ASIC2: variants seen among roughly 807,000 people sequenced by gnomAD.
ASIC2 encodes acid-sensing ion channel 2.
Under a neutral mutation model 57.3 loss-of-function variants are expected in ASIC2, and 25 were observed. That is an observed-to-expected ratio of 0.44 (90% CI 0.32 to 0.61). ASIC2 has a LOEUF of 0.61. Among genes scored for constraint, ASIC2 ranks in the 20% least tolerant of loss-of-function variants. The pLI, the probability that ASIC2 is intolerant of heterozygous loss-of-function variation, is 0.06. For synonymous variants in ASIC2, 319 were observed against 307.5 expected (o/e 1.04, Z -0.39); for missense variants, 641 against 738.1 (o/e 0.87, Z 1.52).
chr17:33,144,004 A>G (rs1567761232), intron 1 of ASIC2, among the ~76,000 whole-genome samples: 1 of 152,170 alleles, frequency 6.6e-6, no homozygotes, highest in East Asian at 1.9e-4. Context: ...TTCTCTTTCT[A>G]GGAAAGGCTT....
chr17:33,239,940 TC>T (rs1221869943), intron 1 of ASIC2, among the ~76,000 whole-genome samples: 1 of 151,800 alleles, frequency 6.6e-6, no homozygotes, highest in African/African-American at 2.4e-5. Context: ...TATCCTTACT[TC>T]CCCCCACGCT....
At chr17:33,225,146 G>A (rs1260573415) in intron 1 of ASIC2, among the ~76,000 whole-genome samples, 5 of 152,206 alleles carry the variant, frequency 3.3e-5, no homozygotes, top group African/African-American at 4.8e-5. Context: ...TGATGGCTTT[G>A]ATTCAGCAAT....
chr17:33,248,793 T>C (rs186555117), intron 1 of ASIC2, among the ~76,000 whole-genome samples: 4 of 152,220 alleles, frequency 2.6e-5, no homozygotes, highest in African/African-American at 9.6e-5. Flanking sequence ...GAAACATTCA[T>C]GGTGATATTT....
intron 1 of ASIC2, among the ~76,000 whole-genome samples, chr17:33,787,881 C>T (rs1911654162): frequency 6.6e-6 from 1 of 152,062 alleles, no homozygotes; most frequent in Non-Finnish European, 1.5e-5. Flanking sequence ...AGGACCAAAC[C>T]CTTGATGCTA....
intron 1 of ASIC2, among the ~76,000 whole-genome samples, chr17:34,010,048 GCA>G (rs2088755268): frequency 6.6e-6 from 1 of 152,196 alleles, no homozygotes; most frequent in Non-Finnish European, 1.5e-5. Context: ...GACTTGCAGT[GCA>G]CAGAGGGTTG....
intron 1 of ASIC2, among the ~76,000 whole-genome samples, chr17:33,788,972 G>A (rs999754803): frequency 1.3e-5 from 2 of 152,060 alleles, no homozygotes; most frequent in African/African-American, 2.4e-5. Context: ...CATGACACAC[G>A]TATACCTATG....
intron 1 of ASIC2, among the ~76,000 whole-genome samples, chr17:33,826,733 A>C (rs932609611): frequency 9.9e-5 from 15 of 152,080 alleles, no homozygotes; most frequent in African/African-American, 3.6e-4. Context: ...TTTGATTTTC[A>C]TGTTCTAGGG....
chr17:33,076,664 C>T (rs760813076), intron 3 of ASIC2, among the ~76,000 whole-genome samples: 2 of 152,234 alleles, frequency 1.3e-5, no homozygotes, highest in Admixed American at 6.5e-5. Flanking sequence ...TTAATACAAA[C>T]GGGACCACCT....
At chr17:34,003,359 C>T (rs900367191) in intron 1 of ASIC2, 3 of 152,142 alleles carry the variant, frequency 2.0e-5, no homozygotes, top group African/African-American at 7.2e-5. Flanking sequence ...GCAGGTGAGC[C>T]TTTTGTAGTA....
At chr17:33,547,306 T>A (rs1157949451) in intron 1 of ASIC2, among the ~76,000 whole-genome samples, 1 of 152,140 alleles carries the variant, frequency 6.6e-6, no homozygotes, top group African/African-American at 2.4e-5. Flanking sequence ...TATTAAATGA[T>A]CAAGAAATAA....
chr17:34,069,069 CCT>C (rs1909282482), intron 1 of ASIC2, among the ~76,000 whole-genome samples: 1 of 152,182 alleles, frequency 6.6e-6, no homozygotes, highest in Admixed American at 6.5e-5. Flanking sequence ...TACTCCTACC[CCT>C]CTGAACTCCA....
At chr17:33,646,492 G>A (rs560175574) in intron 1 of ASIC2, among the ~76,000 whole-genome samples, 32 of 152,308 alleles carry the variant, frequency 2.1e-4, no homozygotes, top group African/African-American at 7.2e-4. Context: ...GGAATTAGGG[G>A]AAGACGAGTG....
At position 33,464,908 on chromosome 17, in the gene ASIC2, C is replaced by A. The variant is rs533449910; in HGVS notation, c.556-352841G>T. Among the ~76,000 whole-genome samples, 3 of 152,138 alleles carry A rather than the reference C, an allele frequency of 2.0e-5. No homozygotes were observed. The South Asian group carries it at 6.2e-4, about 32-fold the overall frequency. On this transcript the variant is annotated intron_variant, in intron 1 of 9. Coordinates refer to the ASIC2 transcript ENST00000359872. ...ACTTTTCACAGTTTACAAGTACCAA[C>A]AAGGCACTTTTTTTTCTGCTTAGGA...
intron 1 of ASIC2, among the ~76,000 whole-genome samples, chr17:33,768,610 C>CTAGAGAAAT (rs1567710729): frequency 3.9e-5 from 6 of 152,134 alleles, no homozygotes. Context: ...GGGGCAGGTC[C>CTAGAGAAAT]CCAGTGAAAC....
chr17:34,085,418 T>C (rs948259778), intron 1 of ASIC2, among the ~76,000 whole-genome samples: 12 of 152,366 alleles, frequency 7.9e-5, no homozygotes, highest in African/African-American at 2.6e-4. Flanking sequence ...AGCTTTCTGA[T>C]GTGCTGCTGG....
At chr17:33,205,097 T>C (rs759412866) in intron 1 of ASIC2, among the ~76,000 whole-genome samples, 2 of 152,252 alleles carry the variant, frequency 1.3e-5, no homozygotes, top group African/African-American at 2.4e-5. Flanking sequence ...CTGATCACCA[T>C]GCAGTAGCCT....
At chr17:33,465,969 G>A (rs1912851620) in intron 1 of ASIC2, among the ~76,000 whole-genome samples, 2 of 152,200 alleles carry the variant, frequency 1.3e-5, no homozygotes, top group African/African-American at 4.8e-5. Context: ...CAGAGAGAGT[G>A]TAGTCAGACT....
intron 1 of ASIC2, among the ~76,000 whole-genome samples, chr17:33,563,576 G>A (rs976112117): frequency 6.6e-6 from 1 of 152,176 alleles, no homozygotes; most frequent in African/African-American, 2.4e-5. Flanking sequence ...AAGCTGCATG[G>A]CCTCAGGTCT....
At chr17:33,864,143 T>C (rs1177835729) in intron 1 of ASIC2, among the ~76,000 whole-genome samples, 3 of 152,114 alleles carry the variant, frequency 2.0e-5, no homozygotes, top group African/African-American at 4.8e-5. Context: ...CCTCAGGTGA[T>C]CTGCTCCCTT....
Sources: gnomAD v4.1 joint callset for allele counts (sites outside exome capture counted in the v4.1 genomes callset) on GRCh38, gnomAD v4.1.1 for gene constraint, MANE v1.5 for transcripts, NCBI Gene and HGNC (gene_info 2026-07-23, HGNC 2026-07-21) for gene names.